Variants in ALKBH8 observed in about 807,000 individuals in gnomAD.
ALKBH8 encodes alkB homolog 8, tRNA methyltransferase, also known as tRNA (carboxymethyluridine(34)-5-O)-methyltransferase ALKBH8.
Under a neutral mutation model 59.8 loss-of-function variants are expected in ALKBH8, and 36 were observed. The observed-to-expected ratio is 0.60, with a 90% confidence interval of 0.46 to 0.79. The LOEUF (loss-of-function observed/expected upper bound fraction) is 0.79. ALKBH8 is among the 30% of genes least tolerant of loss of function. The pLI is 0.00. For missense variants in ALKBH8, 768 were observed against 801.0 expected (o/e 0.96, Z 0.50); for synonymous variants, 276 against 273.6 (o/e 1.01, Z -0.09).
intron 8 of ALKBH8, among the ~76,000 whole-genome samples, chr11:107,532,004 T>G (rs1863613459): frequency 6.6e-6 from 1 of 152,098 alleles, no homozygotes; most frequent in South Asian, 2.1e-4. Context: ...GTAAAAATAA[T>G]AATGATAACA....
intron 7 of ALKBH8, among the ~76,000 whole-genome samples, chr11:107,537,719 C>CA (rs11290722): frequency 1.9e-4 from 27 of 142,628 alleles, no homozygotes; most frequent in East Asian, 6.3e-4. Context: ...AAGTTGAAGA[C>CA]AAAAAAAAAA....
intron 10 of ALKBH8, among the ~76,000 whole-genome samples, chr11:107,513,474 C>T (rs1301477495): frequency 1.3e-5 from 2 of 152,162 alleles, no homozygotes; most frequent in African/African-American, 4.8e-5. Flanking sequence ...CTGTGGAAAG[C>T]AGTTTGGCAA....
chr11:107,553,942 G>A lies in ALKBH8; in HGVS notation c.404C>T (p.Pro135Leu). 6.2e-7 allele frequency: 1 copy of A among 1,613,740 alleles called. No individual in the cohort carries two copies. Among genetic ancestry groups the A allele is most frequent in the South Asian group, 1.1e-5 (1 of 91,054 alleles). ...TATTTCTTCTACTACCATGAGTCCTGGTGGTAAGGCTTGAGGCCTCAACTC... is the reference window on the plus strand; with the variant it reads ...TATTTCTTCTACTACCATGAGTCCTAGTGGTAAGGCTTGAGGCCTCAACTC... ...WKELRPQALPPGLMVVEEIIS... is the reference protein window; with the variant it reads ...WKELRPQALPLGLMVVEEIIS... Residue 135 changes from proline to leucine, a missense_variant, in exon 4 of 12, where the codon CCA (proline) becomes CTA (leucine). Coordinates refer to ENST00000428149, the MANE Select transcript of ALKBH8 (RefSeq NM_138775.3).
chr11:107,509,548 TATC>T (rs1862535426), intron 11 of ALKBH8, among the ~76,000 whole-genome samples: 2 of 152,156 alleles, frequency 1.3e-5, no homozygotes, highest in African/African-American at 2.4e-5. Context: ...GTGCTTTTAG[TATC>T]ATATCCAAGA....
At chr11:107,550,951 C>T (rs1864465650) in intron 6 of ALKBH8, among the ~76,000 whole-genome samples, 1 of 152,178 alleles carries the variant, frequency 6.6e-6, no homozygotes, top group Non-Finnish European at 1.5e-5. Context: ...AAATACATTT[C>T]TGTTGTTTAA....
chr11:107,552,006 A>AGG, intron 5 of ALKBH8, 94 bp from the exon 6 acceptor site: 1 of 604,764 alleles, frequency 1.7e-6, no homozygotes. Flanking sequence ...TAAATCTCTG[A>AGG]GCTTTTAATT....
In ALKBH8 at chr11:107,510,891, G is replaced by A; in HGVS notation, c.1433C>T (p.Thr478Ile). ...ISIAVIHHFA[T>I]AERRVAALQE... ...AGAAAGAAAGACCATACTTACTGCT[G>A]TTGCAAAATGATGAATAACAGCAAT... is the stretch of plus-strand genomic sequence containing the variant. The change falls in exon 11 of 12, where the codon ACA (threonine) becomes ATA (isoleucine). Residue 478 changes from threonine (T) to isoleucine (I), a missense_variant. By Grantham distance (89) the Thr-to-Ile change is moderately conservative. Coordinates refer to ENST00000428149, the MANE Select transcript of ALKBH8 (RefSeq NM_138775.3). 2 of 1,551,270 alleles carry A rather than the reference G, an allele frequency of 1.3e-6. No individual in the cohort carries two copies. The highest frequency in any genetic ancestry group is 1.7e-6 in the Non-Finnish European group (2 of 1,146,802).
At position 107,503,979 on chromosome 11, in the gene ALKBH8, G is replaced by C. The variant is rs1216438800; in HGVS notation, c.*679C>G. The stretch of plus-strand genomic sequence containing the variant: ...GTATCTATTTATTGATTTGCCTGCT[G>C]TCTGTCTCCCCGTCTAGAATGTAAG... On this transcript the variant is annotated 3_prime_UTR_variant, in exon 12 of 12. Transcript: ENST00000428149. The C allele has an allele frequency of 2.6e-5, 4 of 152,270 alleles. No homozygotes were observed. The highest frequency in any genetic ancestry group is 5.9e-5 in the Non-Finnish European group (4 of 68,124). 9.4% of individuals were successfully genotyped at this position (152,270 alleles called of 1,614,324 possible). A position where few individuals can be genotyped will look rare whatever the true frequency, so the allele number is the denominator to read the frequency against.
intron 6 of ALKBH8, among the ~76,000 whole-genome samples, chr11:107,550,968 A>C (rs1864466388): frequency 6.6e-6 from 1 of 152,220 alleles, no homozygotes; most frequent in South Asian, 2.1e-4. Context: ...TTAAGCCAAA[A>C]AAAGTAAAAA....
At chr11:107,518,182 T>G (rs1471071991) in intron 10 of ALKBH8, among the ~76,000 whole-genome samples, 3 of 152,206 alleles carry the variant, frequency 2.0e-5, no homozygotes, top group Non-Finnish European at 4.4e-5. Flanking sequence ...ACATTCATTA[T>G]TATATAAAAC....
intron 7 of ALKBH8, among the ~76,000 whole-genome samples, chr11:107,544,815 C>CCACACA (rs5794557): frequency 0.02 from 2,768 of 138,514 alleles, 43 homozygotes; most frequent in Middle Eastern, 0.035. Flanking sequence ...TAGATACAAA[C>CCACACA]CACACACACA....
intron 10 of ALKBH8, 53 bp from the exon 11 acceptor site, chr11:107,511,089 A>T: frequency 6.6e-7 from 1 of 1,519,804 alleles, no homozygotes; most frequent in Non-Finnish European, 8.9e-7. Flanking sequence ...ACATGAAATT[A>T]AGAACTATGA....
intron 2 of ALKBH8, 112 bp from the exon 3 acceptor site, chr11:107,557,115 C>G: frequency 1.3e-6 from 1 of 799,358 alleles, no homozygotes; most frequent in Non-Finnish European, 1.8e-6. Context: ...AAAAAAAAAG[C>G]ATTTCCTTGT....
chr11:107,529,865 A>C (rs529220029), intron 8 of ALKBH8, among the ~76,000 whole-genome samples: 1 of 152,214 alleles, frequency 6.6e-6, no homozygotes, highest in East Asian at 1.9e-4. Flanking sequence ...TAACTCTAAG[A>C]TAAAAACAAT....
chr11:107,510,963 G>A lies in ALKBH8; in HGVS notation c.1361C>T (p.Ala454Val). ...ERQFQAFVCDALAVPVRSGSC... is the reference protein window; with the variant it reads ...ERQFQAFVCDVLAVPVRSGSC... ...CCCACTGCGGACTGGTACTGCCAAT[G>A]CATCACAGACAAAAGCCTGAAATTG... Residue 454 changes from alanine to valine, a missense_variant, in exon 11 of 12, where the codon GCA (alanine) becomes GTA (valine). Coordinates refer to ENST00000428149, the MANE Select transcript of ALKBH8 (RefSeq NM_138775.3). 1 of 1,551,888 alleles carries A rather than the reference G, an allele frequency of 6.4e-7. No individual in the cohort carries two copies. Among genetic ancestry groups the A allele is most frequent in the Non-Finnish European group, 8.7e-7 (1 of 1,147,000 alleles).
intron 7 of ALKBH8, among the ~76,000 whole-genome samples, chr11:107,545,858 T>C (rs1864228583): frequency 6.6e-6 from 1 of 152,162 alleles, no homozygotes; most frequent in Non-Finnish European, 1.5e-5. Context: ...AGAGGACCAT[T>C]TAAATCACAT....
intron 7 of ALKBH8, among the ~76,000 whole-genome samples, chr11:107,545,246 T>C (rs574000080): frequency 6.6e-6 from 1 of 152,298 alleles, no homozygotes; most frequent in African/African-American, 2.4e-5. Context: ...GGGTGTTTTT[T>C]CCAGTTTGTG....
rs560964498 is a variant in ALKBH8 at position 107,561,033 on chromosome 11, T to C, written c.-6-134A>G. Reference sequence around the variant, plus strand: ...TTTTAAAAATGCTTCATTTACCTTGTACCAACTAAGAGAAGTGAGAACAGA... The same window carrying C: ...TTTTAAAAATGCTTCATTTACCTTGCACCAACTAAGAGAAGTGAGAACAGA... On this transcript the variant is annotated intron_variant, in intron 1 of 11. Coordinates refer to ENST00000428149, the MANE Select transcript of ALKBH8 (RefSeq NM_138775.3). The C allele has an allele frequency of 8.6e-4, 617 of 713,618 alleles. 7 individuals carry two copies. The highest frequency in any genetic ancestry group is 2.1e-3 in the Middle Eastern group (5 of 2,428). The allele number at this position is 713,618 out of a possible 1,614,324, so 44.2% of individuals were successfully genotyped here.
At chr11:107,538,557 G>A (rs1415489265) in intron 7 of ALKBH8, among the ~76,000 whole-genome samples, 1 of 152,174 alleles carries the variant, frequency 6.6e-6, no homozygotes, top group African/African-American at 2.4e-5. Flanking sequence ...CAAGCTTATA[G>A]GGCATGACTG....
Sources: allele counts gnomAD v4.1 joint callset (sites outside exome capture counted in the v4.1 genomes callset), GRCh38; gene constraint gnomAD v4.1.1; transcripts MANE v1.5; gene names NCBI Gene and HGNC (gene_info 2026-07-23, HGNC 2026-07-21).